The following PAN3 variants were observed in gnomAD, a reference collection of about 807,000 sequenced individuals.
The protein encoded by PAN3 is poly(A) specific ribonuclease subunit PAN3.
In PAN3, 19 loss-of-function variants were observed where a neutral mutation model predicts 96.2. The ratio of observed to expected loss-of-function variants is 0.20; its 90% CI spans 0.14 to 0.29. The LOEUF (loss-of-function observed/expected upper bound fraction) is 0.29, where lower values mean the gene tolerates loss of function less well. PAN3 is among the 10% of genes least tolerant of loss of function. The probability of loss-of-function intolerance (pLI) is 1.00; values close to 1 mark genes in which losing one functional copy is unlikely to be tolerated. For synonymous variants in PAN3, 433 were observed against 406.6 expected, an observed-to-expected ratio of 1.06 and a Z score of -0.78; for missense variants, 882 against 1,108.1, an observed-to-expected ratio of 0.80 and a Z score of 2.90.
chr13:28,149,759 G>A (rs892876907), intron 1 of PAN3, among the ~76,000 whole-genome samples: 1 of 152,048 alleles, frequency 6.6e-6, no homozygotes, highest in Non-Finnish European at 1.5e-5. Context: ...AGGTCTACAG[G>A]GACAGGCAAC....
At chr13:28,226,074 A>C (rs1881974433) in intron 6 of PAN3, among the ~76,000 whole-genome samples, 1 of 152,216 alleles carries the variant, frequency 6.6e-6, no homozygotes, top group South Asian at 2.1e-4. Context: ...TTGGGGAAAC[A>C]GGATGAATCT....
At chr13:28,257,777 A>T (rs1020746124) in intron 7 of PAN3, among the ~76,000 whole-genome samples, 26 of 139,274 alleles carry the variant, frequency 1.9e-4, no homozygotes, top group South Asian at 7.0e-4. Context: ...TTATATATAA[A>T]TTATATATAA....
At chr13:28,228,614 A>G (rs1281202182) in intron 6 of PAN3, among the ~76,000 whole-genome samples, 1 of 152,178 alleles carries the variant, frequency 6.6e-6, no homozygotes. Flanking sequence ...TATACATAGT[A>G]ACTAATAACT....
chr13:28,212,659 C>A (rs1880188061), intron 5 of PAN3, among the ~76,000 whole-genome samples: 2 of 152,124 alleles, frequency 1.3e-5, no homozygotes, highest in African/African-American at 4.8e-5. Context: ...GATAAGAAAT[C>A]CAAATCAGAC....
At chr13:28,142,109 C>G (rs1869933899) in intron 1 of PAN3, among the ~76,000 whole-genome samples, 1 of 152,148 alleles carries the variant, frequency 6.6e-6, no homozygotes, top group East Asian at 1.9e-4. Context: ...CTTGGTATCT[C>G]TCAGTAATTC....
chr13:28,150,863 T>C (rs1871278502), intron 1 of PAN3, among the ~76,000 whole-genome samples: 1 of 152,186 alleles, frequency 6.6e-6, no homozygotes, highest in Admixed American at 6.6e-5. Flanking sequence ...CCTTCTTTTG[T>C]GGACCTTACC....
At chr13:28,152,226 G>T (rs1163648126) in intron 1 of PAN3, among the ~76,000 whole-genome samples, 1 of 152,012 alleles carries the variant, frequency 6.6e-6, no homozygotes, top group Non-Finnish European at 1.5e-5. Flanking sequence ...TAAAAAAAAG[G>T]CTAGTTTTAA....
intron 6 of PAN3, among the ~76,000 whole-genome samples, chr13:28,243,789 A>C (rs1373635088): frequency 6.6e-6 from 1 of 152,106 alleles, no homozygotes; most frequent in East Asian, 1.9e-4. Flanking sequence ...CCCAGATTAC[A>C]GTGATTCTCC....
chr13:28,244,221 A>T (rs1306602836), intron 6 of PAN3, among the ~76,000 whole-genome samples: 1 of 152,038 alleles, frequency 6.6e-6, no homozygotes, highest in Non-Finnish European at 1.5e-5. Flanking sequence ...TTCTGTAGCA[A>T]TTTTTGTCTC....
At chr13:28,274,742 A>G (rs549917151) in intron 14 of PAN3, among the ~76,000 whole-genome samples, 36 of 152,298 alleles carry the variant, frequency 2.4e-4, no homozygotes, top group Admixed American at 3.3e-4. Flanking sequence ...TCAGCATTAA[A>G]GGATATATAT....
chr13:28,156,026 AC>A, intron 1 of PAN3, among the ~76,000 whole-genome samples: 1 of 152,248 alleles, frequency 6.6e-6, no homozygotes, highest in African/African-American at 2.4e-5. Context: ...GTGTTTTACC[AC>A]CCCCAAAGCT....
At chr13:28,167,458 G>A (rs1326663841) in intron 1 of PAN3, among the ~76,000 whole-genome samples, 1 of 151,930 alleles carries the variant, frequency 6.6e-6, no homozygotes, top group East Asian at 1.9e-4. Flanking sequence ...ATTGCGCCCG[G>A]CCCAATACCC....
intron 1 of PAN3, among the ~76,000 whole-genome samples, chr13:28,140,348 T>C (rs1289386133): frequency 1.3e-5 from 2 of 152,206 alleles, no homozygotes; most frequent in Non-Finnish European, 1.5e-5. Context: ...TCTTAGTATA[T>C]TGAGCGTTTC....
chr13:28,229,999 C>T (rs45565737), intron 6 of PAN3, among the ~76,000 whole-genome samples: 1,555 of 152,120 alleles, frequency 0.01, 25 homozygotes, highest in African/African-American at 0.035. Context: ...CTCCCTTTCT[C>T]ATCCTCCTCC....
intron 4 of PAN3, among the ~76,000 whole-genome samples, chr13:28,179,309 T>C (rs1326925209): frequency 6.6e-6 from 1 of 152,242 alleles, no homozygotes; most frequent in Non-Finnish European, 1.5e-5. Flanking sequence ...AGTAAAATGC[T>C]GAAAAGCGAA....
chr13:28,272,695 G>A (rs1220846119), intron 14 of PAN3, among the ~76,000 whole-genome samples: 6 of 151,514 alleles, frequency 4.0e-5, no homozygotes, highest in South Asian at 2.1e-4. Context: ...TCAGCCTCCC[G>A]AGTAGCTGGG....
At chr13:28,261,672 AAAAT>A (rs1223844735) in intron 9 of PAN3, among the ~76,000 whole-genome samples, 1 of 152,060 alleles carries the variant, frequency 6.6e-6, no homozygotes, top group Non-Finnish European at 1.5e-5. Flanking sequence ...GTCTCTACAA[AAAAT>A]AAATTAGCTG....
chr13:28,215,740 G>A, intron 5 of PAN3: 1 of 1,498,310 alleles, frequency 6.7e-7, no homozygotes, highest in Non-Finnish European at 9.1e-7. Flanking sequence ...AAGCCCATGT[G>A]TGCTGAGAGC....
At chr13:28,256,606 G>T in intron 7 of PAN3, 67 bp downstream of exon 7, 7 of 1,475,324 alleles carry the variant, frequency 4.7e-6, no homozygotes, top group African/African-American at 1.4e-5. Context: ...TTGTGAGGCG[G>T]TCTACCCCCT....
Sources: gnomAD v4.1 joint callset for allele counts (sites outside exome capture counted in the v4.1 genomes callset) on GRCh38, gnomAD v4.1.1 for gene constraint, MANE v1.5 for transcripts, NCBI Gene and HGNC (gene_info 2026-07-23, HGNC 2026-07-21) for gene names.